The following INPP4B variants were observed in gnomAD, a reference collection of about 807,000 sequenced individuals.
The protein encoded by INPP4B is inositol polyphosphate-4-phosphatase type II B, also known as inositol polyphosphate 4-phosphatase type II.
A neutral mutation model predicts 122.5 loss-of-function variants in INPP4B; 55 were observed. That is an observed-to-expected ratio of 0.45 (90% CI 0.36 to 0.56). The LOEUF is 0.56. Ranked by LOEUF, INPP4B falls within the 20% of genes least tolerant of loss-of-function variation. The pLI is 0.00. For missense variants in INPP4B, 1,000 were observed against 1,097.7 expected, an observed-to-expected ratio of 0.91 and a Z score of 1.26; for synonymous variants, 403 against 388.7, an observed-to-expected ratio of 1.04 and a Z score of -0.43.
intron 2 of INPP4B, among the ~76,000 whole-genome samples, chr4:142,624,175 A>C (rs1444107508): frequency 6.6e-6 from 1 of 152,074 alleles, no homozygotes; most frequent in Admixed American, 6.6e-5. Flanking sequence ...ACTAGTTTAC[A>C]GTCCCACCAA....
chr4:142,263,925 G>C (rs1240294043), intron 10 of INPP4B, among the ~76,000 whole-genome samples: 1 of 151,760 alleles, frequency 6.6e-6, no homozygotes, highest in East Asian at 1.9e-4. Context: ...AAATGTTCAG[G>C]AACAACAAGG....
chr4:142,257,055 G>A (rs374098639), intron 11 of INPP4B, among the ~76,000 whole-genome samples: 5 of 151,990 alleles, frequency 3.3e-5, no homozygotes, highest in Non-Finnish European at 5.9e-5. Context: ...TTCAATATAC[G>A]CAAATCAATA....
Position 142,431,327 on chromosome 4 carries a change from G to A in INPP4B, c.-68C>T, listed in dbSNP as rs1290225195. The A allele has an allele frequency of 4.6e-6, 5 of 1,085,432 alleles. No individual in the cohort carries two copies. In the East Asian group the frequency reaches 9.5e-5, roughly 21 times the overall value. 67.2% of individuals were successfully genotyped at this position (1,085,432 alleles called of 1,614,324 possible). On this transcript the variant is annotated 5_prime_UTR_variant, in exon 4 of 26. Coordinates refer to ENST00000262992, the MANE Select transcript of INPP4B (RefSeq NM_001101669.3). ...CAAATGTCAGTTCTAGTGATTCCTGGTTTAATGTAGATGTATCTTCACACT... is the reference window on the plus strand; with the variant it reads ...CAAATGTCAGTTCTAGTGATTCCTGATTTAATGTAGATGTATCTTCACACT...
chr4:142,247,288 T>C lies in INPP4B; in HGVS notation c.689-9277A>G, dbSNP rs543995247. Among the ~76,000 whole-genome samples the C allele has an allele frequency of 1.8e-4, 28 of 152,316 alleles. No homozygotes were observed. In the South Asian group the frequency reaches 5.2e-3, roughly 28 times the overall value. ...GTTGTGTCTCTGCCAGGTTTTTGTA[T>C]CAGGATGATGCTGGCCTCATAAAAT... On this transcript the variant is annotated intron_variant, in intron 11 of 25. Transcript: ENST00000262992.
intron 2 of INPP4B, among the ~76,000 whole-genome samples, chr4:142,541,564 C>G (rs917719515): frequency 4.6e-5 from 7 of 152,136 alleles, no homozygotes; most frequent in African/African-American, 1.7e-4. Flanking sequence ...TATTGCCTCA[C>G]AACTCCAAAT....
At chr4:142,784,950 C>G (rs1775526357) in intron 1 of INPP4B, among the ~76,000 whole-genome samples, 1 of 151,950 alleles carries the variant, frequency 6.6e-6, no homozygotes, top group Non-Finnish European at 1.5e-5. Flanking sequence ...AGGTAACAGC[C>G]CAGGTACACA....
intron 2 of INPP4B, among the ~76,000 whole-genome samples, chr4:142,655,662 T>C (rs149902372): frequency 1.5e-4 from 23 of 152,306 alleles, no homozygotes; most frequent in Non-Finnish European, 2.6e-4. Context: ...ATTATCTGAG[T>C]ATAAAAAAAT....
intron 7 of INPP4B, among the ~76,000 whole-genome samples, chr4:142,339,061 T>C (rs1777818823): frequency 6.6e-6 from 1 of 152,192 alleles, no homozygotes; most frequent in Admixed American, 6.5e-5. Context: ...CAAGAACCTG[T>C]GTCTCTTGAC....
At chr4:142,751,060 A>G (rs2289792) in intron 1 of INPP4B, among the ~76,000 whole-genome samples, 4,132 of 152,132 alleles carry the variant, frequency 0.027, 77 homozygotes, top group Middle Eastern at 0.095. Flanking sequence ...CAAATAGCAA[A>G]TTTTGAGTAC....
intron 17 of INPP4B, among the ~76,000 whole-genome samples, chr4:142,158,354 C>T (rs989019704): frequency 3.3e-5 from 5 of 152,104 alleles, no homozygotes; most frequent in African/African-American, 1.2e-4. Context: ...TGTCTTTCTA[C>T]AGCCCTGAAT....
chr4:142,028,968 C>A, intron 25 of INPP4B, 54 bp from the exon 26 acceptor site: 1 of 1,567,160 alleles, frequency 6.4e-7, no homozygotes, highest in Non-Finnish European at 8.6e-7. Context: ...AATAAATATG[C>A]TTTATTTGTT....
rs542700527 is a variant in INPP4B, at chr4:142,348,379, A to C, written c.373-33617T>G. Among the ~76,000 whole-genome samples, 4 of 152,088 alleles carry C rather than the reference A, an allele frequency of 2.6e-5. No homozygotes were observed. The East Asian group carries it at 7.8e-4, about 30-fold the overall frequency. On this transcript the variant is annotated intron_variant, in intron 7 of 25. Coordinates refer to ENST00000262992, the MANE Select transcript of INPP4B (RefSeq NM_001101669.3). ...TTTACTATTTGGTCTTGTTTAAGGA[A>C]AATATTTTTTTCCAGAATATTTTAC...
chr4:142,030,347 A>C (rs772872071), intron 25 of INPP4B: 11 of 1,480,608 alleles, frequency 7.4e-6, no homozygotes, highest in Admixed American at 2.1e-5. Flanking sequence ...AATAGTATAG[A>C]GTTCACACAG....
At chr4:142,786,065 C>T (rs1775719089) in intron 1 of INPP4B, among the ~76,000 whole-genome samples, 1 of 151,996 alleles carries the variant, frequency 6.6e-6, no homozygotes. Flanking sequence ...TTTTTTCTGT[C>T]AACTGAGAGG....
At chr4:142,294,579 A>G (rs573791162) in intron 9 of INPP4B, among the ~76,000 whole-genome samples, 1 of 152,176 alleles carries the variant, frequency 6.6e-6, no homozygotes, top group Admixed American at 6.6e-5. Flanking sequence ...CCATCTGCAC[A>G]TACAAAAATG....
intron 3 of INPP4B, among the ~76,000 whole-genome samples, chr4:142,452,113 C>G (rs546315288): frequency 1.2e-4 from 19 of 152,258 alleles, no homozygotes; most frequent in African/African-American, 4.6e-4. Flanking sequence ...TCCAGGTGAT[C>G]TCATTGTTCA....
At chr4:142,225,238 A>G (rs1851024607) in intron 12 of INPP4B, among the ~76,000 whole-genome samples, 2 of 152,078 alleles carry the variant, frequency 1.3e-5, no homozygotes, top group South Asian at 4.1e-4. Context: ...ATCAGACTTC[A>G]ATTTCTTTGG....
chr4:142,749,963 A>G (rs1769419939), intron 1 of INPP4B, among the ~76,000 whole-genome samples: 1 of 152,018 alleles, frequency 6.6e-6, no homozygotes, highest in African/African-American at 2.4e-5. Flanking sequence ...TGTGGAAAAA[A>G]TGTTATAAAC....
chr4:142,145,622 A>G (rs72935210), intron 18 of INPP4B, among the ~76,000 whole-genome samples: 5,565 of 152,194 alleles, frequency 0.037, 249 homozygotes, highest in African/African-American at 0.1. Flanking sequence ...TGGTAAGATA[A>G]GAAAAAAAAA....
Sources: gnomAD v4.1 joint callset for allele counts (sites outside exome capture counted in the v4.1 genomes callset) on GRCh38, gnomAD v4.1.1 for gene constraint, MANE v1.5 for transcripts, NCBI Gene and HGNC (gene_info 2026-07-23, HGNC 2026-07-21) for gene names.